The following MED28 variants were observed in gnomAD, a reference collection of about 807,000 sequenced individuals.
MED28 encodes the protein mediator complex subunit 28.
In MED28, 26 loss-of-function variants were observed where a neutral mutation model predicts 21.3. That is an observed-to-expected ratio of 1.22 (90% CI 0.89 to 1.69). The LOEUF (loss-of-function observed/expected upper bound fraction) is 1.69, where lower values mean the gene tolerates loss of function less well. MED28 is among the 40% of genes most tolerant of loss of function. The pLI is 0.00. For synonymous variants in MED28, 110 were observed against 87.6 expected (o/e 1.26, Z -1.43); for missense variants, 257 against 215.4 (o/e 1.19, Z -1.21).
intron 3 of MED28, among the ~76,000 whole-genome samples, chr4:17,622,150 AAGCT>A (rs1361616155): frequency 1.3e-5 from 2 of 152,176 alleles, no homozygotes; most frequent in African/African-American, 4.8e-5. Context: ...CAGTTGTTCT[AAGCT>A]AGGGCATTTG....
rs1186427377 is a variant in MED28, at chr4:17,621,379, A to C, written c.227-208A>C. The stretch of plus-strand genomic sequence containing the variant: ...TTAATATCTCTCTCTTTTTTTTTTT[A>C]ACCTGAGAAAAGCATAACTTATCTG... On this transcript the variant is annotated intron_variant, in intron 2 of 3. Coordinates refer to ENST00000237380, the MANE Select transcript of MED28 (RefSeq NM_025205.5). Among the ~76,000 whole-genome samples, 5 of 150,374 alleles carry C rather than the reference A, an allele frequency of 3.3e-5. No homozygotes were observed. The South Asian group carries it at 8.4e-4, about 25-fold the overall frequency.
At position 17,623,625 on chromosome 4, in the gene MED28, T is replaced by C; in HGVS notation, c.364T>C (p.Leu122=). The part of the protein sequence containing the change: ...KEDVSELRNE[L]QRKDALVQKH... ...GGATGTGTCAGAACTAAGGAATGAA[T>C]TACAGCGGAAAGATGCACTAGTCCA... is the stretch of plus-strand genomic sequence containing the variant. Residue 122 remains leucine (L), a synonymous_variant, in exon 4 of 4, where the codon TTA becomes CTA. Coordinates refer to ENST00000237380, the MANE Select transcript of MED28 (RefSeq NM_025205.5). 1.2e-6 allele frequency: 2 copies of C among 1,614,146 alleles called. No individual in the cohort carries two copies. The highest frequency in any genetic ancestry group is 1.7e-6 in the Non-Finnish European group (2 of 1,180,020).
At chr4:17,616,133 T>G (rs889548536) in intron 1 of MED28, among the ~76,000 whole-genome samples, 16 of 152,090 alleles carry the variant, frequency 1.1e-4, no homozygotes, top group African/African-American at 3.9e-4. Context: ...TTTTTTTATT[T>G]TTTAGTAGAG....
At position 17,632,644 on chromosome 4, in the gene MED28, T is replaced by G. The variant is rs1350743749; in HGVS notation, c.*8846T>G. The G allele has an allele frequency of 7.6e-7, 1 of 1,311,674 alleles. No individual in the cohort carries two copies. The highest frequency in any genetic ancestry group is 2.3e-5 in the Admixed American group (1 of 43,438). The allele number at this position is 1,311,674 out of a possible 1,614,324, so 81.3% of individuals were successfully genotyped here. A position where few individuals can be genotyped will look rare whatever the true frequency, so the allele number is the denominator to read the frequency against. On this transcript the variant is annotated 3_prime_UTR_variant, in exon 4 of 4. Transcript: ENST00000237380. The stretch of plus-strand genomic sequence containing the variant: ...TGGGGTCCTAAAAGCAAAAAAAGGT[T>G]TTTTTATATGGTTTTGAAAACTATG...
rs970042070 is a variant in MED28, at chr4:17,623,930, T to C, written c.*132T>C. 5.0e-6 allele frequency: 5 copies of C among 999,636 alleles called. No individual in the cohort carries two copies. Among genetic ancestry groups the C allele is most frequent in the South Asian group, 3.4e-5 (2 of 59,148 alleles). The allele number at this position is 999,636 out of a possible 1,614,324, so 61.9% of individuals were successfully genotyped here. A position where few individuals can be genotyped will look rare whatever the true frequency, so the allele number is the denominator to read the frequency against. On this transcript the variant is annotated 3_prime_UTR_variant, in exon 4 of 4. Coordinates refer to ENST00000237380, the MANE Select transcript of MED28 (RefSeq NM_025205.5). ...AGTTCATTTTAGTTTTATGCTCCCA[T>C]TGAAAAATTTTCCACTATTTTTATA...
At position 17,623,890 on chromosome 4, in the gene MED28, C is replaced by A; in HGVS notation, c.*92C>A. The A allele has an allele frequency of 7.2e-7, 1 of 1,396,686 alleles. No individual in the cohort carries two copies. Among genetic ancestry groups the A allele is most frequent in the Non-Finnish European group, 9.8e-7 (1 of 1,022,098 alleles). The allele number at this position is 1,396,686 out of a possible 1,614,324, so 86.5% of individuals were successfully genotyped here. A position where few individuals can be genotyped will look rare whatever the true frequency, so the allele number is the denominator to read the frequency against. ...GTGGACTTGACATTTTGGAAGAACT[C>A]TTTGCCAGATAATGAGTTCATTTTA... On this transcript the variant is annotated 3_prime_UTR_variant, in exon 4 of 4. Transcript: ENST00000237380.
Position 17,626,020 on chromosome 4 carries a change from A to G in MED28, c.*2222A>G, listed in dbSNP as rs1364813026. 1 of 161,396 alleles carries G rather than the reference A, an allele frequency of 6.2e-6. No homozygotes were observed. Among genetic ancestry groups the G allele is most frequent in the Non-Finnish European group, 1.3e-5 (1 of 74,186 alleles). The allele number at this position is 161,396 out of a possible 1,614,324, so 10.0% of individuals were successfully genotyped here. On this transcript the variant is annotated 3_prime_UTR_variant, in exon 4 of 4. Transcript: ENST00000237380. ...TCCCATTTTCACAGATGGATAATAA[A>G]TCTGTAAAATAGGGATAAGACTAGG...
intron 3 of MED28, among the ~76,000 whole-genome samples, chr4:17,622,817 A>G (rs538571485): frequency 6.6e-6 from 1 of 152,328 alleles, no homozygotes; most frequent in Non-Finnish European, 1.5e-5. Context: ...AGAAGGTGAA[A>G]GACACATCTC....
In MED28 at chr4:17,627,492, T is replaced by G. The variant is rs916634132; in HGVS notation, c.*3694T>G. 1.3e-5 allele frequency: 2 copies of G among 152,260 alleles called. No homozygotes were observed. The highest frequency in any genetic ancestry group is 4.8e-5 in the African/African-American group (2 of 41,458). 9.4% of individuals were successfully genotyped at this position (152,260 alleles called of 1,614,324 possible). ...TGTCTTAACTGTTAACATTCCCAGG[T>G]GTTTGGTCCTGGGCCTCTGGAGGTT... On this transcript the variant is annotated 3_prime_UTR_variant, in exon 4 of 4. Transcript: ENST00000237380.
rs1288662252 is a variant in MED28 at position 17,630,721 on chromosome 4, T to TTTGA, written c.*6926_*6929dup. 6.6e-6 allele frequency: 1 copy of TTTGA among 152,242 alleles called. No individual in the cohort carries two copies. Among genetic ancestry groups the TTTGA allele is most frequent in the East Asian group, 1.9e-4 (1 of 5,202 alleles). The allele number at this position is 152,242 out of a possible 1,614,324, so 9.4% of individuals were successfully genotyped here. Reference sequence around the variant, plus strand: ...ATTTAAAAATGCATTGGAGCCTCGTTTTGATTAGGCAGTAAATTTACCTTT... The same window carrying TTTGA: ...ATTTAAAAATGCATTGGAGCCTCGTTTTGATTGATTAGGCAGTAAATTTACCTTT... On this transcript the variant is annotated 3_prime_UTR_variant, in exon 4 of 4. Coordinates refer to ENST00000237380, the MANE Select transcript of MED28 (RefSeq NM_025205.5).
intron 1 of MED28, among the ~76,000 whole-genome samples, chr4:17,618,896 T>C (rs1160410353): frequency 6.6e-6 from 1 of 152,224 alleles, no homozygotes; most frequent in Non-Finnish European, 1.5e-5. Context: ...CTGATTTACT[T>C]TCTCTGTAAA....
intron 1 of MED28, among the ~76,000 whole-genome samples, chr4:17,615,142 C>T (rs1367811726): frequency 6.6e-6 from 1 of 152,218 alleles, no homozygotes; most frequent in African/African-American, 2.4e-5. Context: ...GTAAGAGGCT[C>T]AAGCCTTTTC....
chr4:17,633,510 G>A lies in MED28; in HGVS notation c.*9712G>A. The A allele has an allele frequency of 1.8e-6, 1 of 541,718 alleles. No individual in the cohort carries two copies. 33.6% of individuals were successfully genotyped at this position (541,718 alleles called of 1,614,324 possible). On this transcript the variant is annotated 3_prime_UTR_variant, in exon 4 of 4. Transcript: ENST00000237380. Reference sequence around the variant, plus strand: ...AATTCAGACCTCCAGGCCAGATGGAGTCCACCTTTTGTATAACCCATGCTG... The same window carrying A: ...AATTCAGACCTCCAGGCCAGATGGAATCCACCTTTTGTATAACCCATGCTG...
In MED28 at chr4:17,632,878, G is replaced by T; in HGVS notation, c.*9080G>T. 3.0e-6 allele frequency: 1 copy of T among 332,518 alleles called. No individual in the cohort carries two copies. Among genetic ancestry groups the T allele is most frequent in the Non-Finnish European group, 5.7e-6 (1 of 174,636 alleles). 20.6% of individuals were successfully genotyped at this position (332,518 alleles called of 1,614,324 possible). A position where few individuals can be genotyped will look rare whatever the true frequency, so the allele number is the denominator to read the frequency against. ...ATTGTTCCTTTGAGACTTAGTGGTT[G>T]TAGCTCTAATAATGCAGGATTAACC... is the stretch of plus-strand genomic sequence containing the variant. On this transcript the variant is annotated 3_prime_UTR_variant, in exon 4 of 4. Transcript: ENST00000237380.
At chr4:17,622,655 T>C (rs1411914731) in intron 3 of MED28, among the ~76,000 whole-genome samples, 1 of 152,244 alleles carries the variant, frequency 6.6e-6, no homozygotes, top group African/African-American at 2.4e-5. Flanking sequence ...AGAGAGGTAC[T>C]GGATGGCTGG....
rs1560160996 is a variant in MED28, at chr4:17,630,615, C to CT, written c.*6818dup. The CT allele has an allele frequency of 1.3e-5, 2 of 152,186 alleles. No homozygotes were observed. The highest frequency in any genetic ancestry group is 2.4e-5 in the African/African-American group (1 of 41,446). 9.4% of individuals were successfully genotyped at this position (152,186 alleles called of 1,614,324 possible). ...AGCAGCCTGAACGAACTAAGACACT[C>CT]TAAGCGGGAAACTCACAAAAAATAT... On this transcript the variant is annotated 3_prime_UTR_variant, in exon 4 of 4. Transcript: ENST00000237380.
rs1714724481 is a variant in MED28 at position 17,624,571 on chromosome 4, A to T, written c.*773A>T. ...GTCAGTCACTGTTTTCAGTAGCATG[A>T]CAGTGGGGTCATAGGTGAGCTGTGA... is the stretch of plus-strand genomic sequence containing the variant. On this transcript the variant is annotated 3_prime_UTR_variant, in exon 4 of 4. Transcript: ENST00000237380. The T allele has an allele frequency of 6.6e-6, 1 of 152,186 alleles. No individual in the cohort carries two copies. The highest frequency in any genetic ancestry group is 6.6e-5 in the Admixed American group (1 of 15,266). The allele number at this position is 152,186 out of a possible 1,614,324, so 9.4% of individuals were successfully genotyped here.
chr4:17,616,808 A>G lies in MED28; in HGVS notation c.159+1995A>G, dbSNP rs557742388. ...GTAGTAGATAGCAAGTGCTAGATGAATATTTGTCAGACATTGAAGGAATCT... is the reference window on the plus strand; with the variant it reads ...GTAGTAGATAGCAAGTGCTAGATGAGTATTTGTCAGACATTGAAGGAATCT... On this transcript the variant is annotated intron_variant, in intron 1 of 3. Transcript: ENST00000237380. Among the ~76,000 whole-genome samples the G allele has an allele frequency of 5.3e-5, 8 of 152,342 alleles. No individual in the cohort carries two copies. The East Asian group carries it at 1.2e-3, about 22-fold the overall frequency.
At chr4:17,618,666 G>C in intron 1 of MED28, among the ~76,000 whole-genome samples, 1 of 152,132 alleles carries the variant, frequency 6.6e-6, no homozygotes, top group South Asian at 2.1e-4. Flanking sequence ...ACAGGCACGT[G>C]CCACCATGCC....
Sources: allele counts gnomAD v4.1 joint callset (sites outside exome capture counted in the v4.1 genomes callset), GRCh38; gene constraint gnomAD v4.1.1; transcripts MANE v1.5; gene names NCBI Gene and HGNC (gene_info 2026-07-23, HGNC 2026-07-21).